CYP20A1: variants seen among roughly 807,000 people sequenced by gnomAD.
The protein encoded by CYP20A1 is cytochrome P450 family 20 subfamily A member 1, also known as cytochrome P450 20A1.
Under a neutral mutation model 61.4 loss-of-function variants are expected in CYP20A1, and 61 were observed. The ratio of observed to expected loss-of-function variants is 0.99; its 90% CI spans 0.81 to 1.23. The LOEUF (loss-of-function observed/expected upper bound fraction) is 1.23. CYP20A1 is among the 50% of genes most tolerant of loss of function. The probability of loss-of-function intolerance (pLI) is 0.00; values close to 1 mark genes in which losing one functional copy is unlikely to be tolerated. For missense variants in CYP20A1, 530 were observed against 542.4 expected (o/e 0.98, Z 0.23); for synonymous variants, 193 against 188.2 (o/e 1.03, Z -0.21).
chr2:203,267,417 C>T (rs900948076), intron 5 of CYP20A1, among the ~76,000 whole-genome samples: 1 of 151,842 alleles, frequency 6.6e-6, no homozygotes, highest in Non-Finnish European at 1.5e-5. Flanking sequence ...ACCTGTAATT[C>T]AAGCTACTTG....
chr2:203,304,860 C>T lies in CYP20A1; in HGVS notation c.*7952C>T, dbSNP rs2069157968. ...CTGAGGTGGGAGGATTGCTTGAGCC[C>T]AGGAGGTAGAGGTTGCAGTGAGCCA... On this transcript the variant is annotated 3_prime_UTR_variant, in exon 13 of 13. Transcript: ENST00000356079. Among the ~76,000 whole-genome samples, 2 of 152,102 alleles carry T rather than the reference C, an allele frequency of 1.3e-5. No homozygotes were observed. The highest frequency in any genetic ancestry group is 4.2e-4 in the South Asian group (2 of 4,810).
intron 4 of CYP20A1, among the ~76,000 whole-genome samples, chr2:203,261,810 T>C (rs1414198393): frequency 6.6e-6 from 1 of 151,640 alleles, no homozygotes; most frequent in Non-Finnish European, 1.5e-5. Flanking sequence ...TTGGACCTGG[T>C]TGGAAATTTG....
chr2:203,241,967 A>G (rs1369650453), intron 1 of CYP20A1, among the ~76,000 whole-genome samples: 2 of 152,034 alleles, frequency 1.3e-5, no homozygotes, highest in Non-Finnish European at 2.9e-5. Context: ...TCAGCCTCCC[A>G]AGTAGCTGGG....
chr2:203,247,627 A>G (rs10192682), intron 3 of CYP20A1, among the ~76,000 whole-genome samples: 151,581 of 152,214 alleles, frequency 1, 75,477 homozygotes, highest in Non-Finnish European at 1. Context: ...GGGAGGCCGA[A>G]GCAGGTGGAT....
rs1261712860 is a variant in CYP20A1 at position 203,304,449 on chromosome 2, G to A, written c.*7541G>A. 1.3e-5 allele frequency among the ~76,000 whole-genome samples: 2 copies of A among 152,054 alleles called. No individual in the cohort carries two copies. Among genetic ancestry groups the A allele is most frequent in the Non-Finnish European group, 2.9e-5 (2 of 68,018 alleles). ...CCTGACCTTGTGATCTGTCCACCGCGGCTTCCCAAAGTGCTGGGATTACAG... is the reference window on the plus strand; with the variant it reads ...CCTGACCTTGTGATCTGTCCACCGCAGCTTCCCAAAGTGCTGGGATTACAG... On this transcript the variant is annotated 3_prime_UTR_variant, in exon 13 of 13. Coordinates refer to ENST00000356079, the MANE Select transcript of CYP20A1 (RefSeq NM_177538.3).
Position 203,239,035 on chromosome 2 carries a change from G to A in CYP20A1, c.-28G>A, listed in dbSNP as rs2066142003. ...GCGCTGCTGCTGGAGCGGCCGATCC[G>A]AGACGTGGCTCCCTGGGCGGCAGAA... On this transcript the variant is annotated 5_prime_UTR_variant, in exon 1 of 13. Coordinates refer to ENST00000356079, the MANE Select transcript of CYP20A1 (RefSeq NM_177538.3). 2.1e-5 allele frequency: 34 copies of A among 1,609,196 alleles called. No homozygotes were observed. The highest frequency in any genetic ancestry group is 1.6e-4 in the Middle Eastern group (1 of 6,076).
intron 4 of CYP20A1, among the ~76,000 whole-genome samples, chr2:203,263,872 T>C (rs1575205363): frequency 6.6e-6 from 1 of 152,232 alleles, no homozygotes. Context: ...TCTGTTACTG[T>C]TGTTGATCTT....
intron 1 of CYP20A1, among the ~76,000 whole-genome samples, chr2:203,243,436 G>C (rs1392336200): frequency 6.6e-6 from 1 of 151,822 alleles, no homozygotes; most frequent in East Asian, 1.9e-4. Flanking sequence ...TGTCTCCCAG[G>C]CTGGAGTGTA....
intron 10 of CYP20A1, among the ~76,000 whole-genome samples, chr2:203,291,344 C>T (rs968026547): frequency 2.0e-5 from 3 of 152,106 alleles, no homozygotes; most frequent in Non-Finnish European, 2.9e-5. Context: ...GCCATGTGTA[C>T]GTTAAATTTA....
rs755987252 is a variant in CYP20A1 at position 203,296,936 on chromosome 2, AATTG to A, written c.*34_*37del. 5 of 1,339,384 alleles carry A rather than the reference AATTG, an allele frequency of 3.7e-6. No individual in the cohort carries two copies. In the Admixed American group the frequency reaches 7.2e-5, roughly 19 times the overall value. 83.0% of individuals were successfully genotyped at this position (1,339,384 alleles called of 1,614,324 possible). The stretch of plus-strand genomic sequence containing the variant: ...TTTTATACATTTAAAATCATTGTTA[AATTG>A]ATTGAGGAAAACAACCATTTAAAAA... On this transcript the variant is annotated 3_prime_UTR_variant, in exon 13 of 13. Coordinates refer to ENST00000356079, the MANE Select transcript of CYP20A1 (RefSeq NM_177538.3).
At chr2:203,255,304 T>A (rs922402085) in intron 4 of CYP20A1, among the ~76,000 whole-genome samples, 7 of 152,202 alleles carry the variant, frequency 4.6e-5, no homozygotes, top group Non-Finnish European at 8.8e-5. Context: ...TAATACTTTT[T>A]AAAAAAACTA....
At chr2:203,250,583 G>A (rs2066624259) in intron 3 of CYP20A1, among the ~76,000 whole-genome samples, 2 of 152,160 alleles carry the variant, frequency 1.3e-5, no homozygotes, top group South Asian at 4.1e-4. Flanking sequence ...CTCTGTCAGG[G>A]AATATAATGA....
intron 5 of CYP20A1, among the ~76,000 whole-genome samples, chr2:203,270,736 CT>C (rs551427259): frequency 0.036 from 4,655 of 127,878 alleles, 234 homozygotes; most frequent in African/African-American, 0.12. Flanking sequence ...TTTTTTTTTT[CT>C]TTTTTTTTTT....
intron 5 of CYP20A1, among the ~76,000 whole-genome samples, chr2:203,269,472 C>A: frequency 1.3e-5 from 2 of 149,510 alleles, no homozygotes; most frequent in East Asian, 2.0e-4. Flanking sequence ...CCAAAAATGA[C>A]ATTTTATGAT....
Position 203,277,223 on chromosome 2 carries a change from C to A in CYP20A1, c.680-1350C>A, listed in dbSNP as rs1447784510. ...ATTAGCCGGGCGTGGTGGCACACGCCTATAGTCCCAGCTACTCAGGAGGCT... is the reference window on the plus strand; with the variant it reads ...ATTAGCCGGGCGTGGTGGCACACGCATATAGTCCCAGCTACTCAGGAGGCT... On this transcript the variant is annotated intron_variant, in intron 6 of 12. Coordinates refer to ENST00000356079, the MANE Select transcript of CYP20A1 (RefSeq NM_177538.3). 2.0e-5 allele frequency among the ~76,000 whole-genome samples: 3 copies of A among 152,088 alleles called. No individual in the cohort carries two copies. In the East Asian group the frequency reaches 5.8e-4, roughly 29 times the overall value.
chr2:203,274,376 G>C (rs1298750026), intron 6 of CYP20A1, among the ~76,000 whole-genome samples: 2 of 151,886 alleles, frequency 1.3e-5, no homozygotes, highest in African/African-American at 4.8e-5. Flanking sequence ...AGTAGAGATG[G>C]GGTTTCGCCA....
chr2:203,288,386 A>G (rs2068389354), intron 9 of CYP20A1, among the ~76,000 whole-genome samples: 1 of 151,642 alleles, frequency 6.6e-6, no homozygotes, highest in Admixed American at 6.6e-5. Context: ...TTATTTCTCT[A>G]CAAAGCCCTT....
Position 203,289,758 on chromosome 2 carries a change from A to G in CYP20A1, c.972-7A>G, listed in dbSNP as rs201027151. 1 of 1,527,626 alleles carries G rather than the reference A, an allele frequency of 6.5e-7. No individual in the cohort carries two copies. The highest frequency in any genetic ancestry group is 8.8e-7 in the Non-Finnish European group (1 of 1,135,552). 94.6% of individuals were successfully genotyped at this position (1,527,626 alleles called of 1,614,324 possible). A position where few individuals can be genotyped will look rare whatever the true frequency, so the allele number is the denominator to read the frequency against. ...AAACATCTTCAAAAAAAATTTTTTTAAAACAGATATTGTCAGCATGTGCTT... is the reference window on the plus strand; with the variant it reads ...AAACATCTTCAAAAAAAATTTTTTTGAAACAGATATTGTCAGCATGTGCTT... On this transcript the variant is annotated splice_polypyrimidine_tract_variant and splice_region_variant and intron_variant, in intron 9 of 12. Coordinates refer to ENST00000356079, the MANE Select transcript of CYP20A1 (RefSeq NM_177538.3).
chr2:203,239,275 G>C (rs915881992), intron 1 of CYP20A1, 141 bp downstream of exon 1: 4 of 707,216 alleles, frequency 5.7e-6, no homozygotes, highest in Non-Finnish European at 9.6e-6. Flanking sequence ...GCTTCAGCGC[G>C]GGGACCGCAC....
Sources: allele counts gnomAD v4.1 joint callset (sites outside exome capture counted in the v4.1 genomes callset), GRCh38; gene constraint gnomAD v4.1.1; transcripts MANE v1.5; gene names NCBI Gene and HGNC (gene_info 2026-07-23, HGNC 2026-07-21).